The following TMC5 variants were observed in gnomAD, a reference collection of about 807,000 sequenced individuals.
TMC5 encodes the protein transmembrane channel-like protein 5.
A neutral mutation model predicts 110.5 loss-of-function variants in TMC5; 86 were observed. The observed-to-expected ratio is 0.78, with a 90% CI of 0.65 to 0.93. TMC5 has a LOEUF of 0.93. Ranked by LOEUF, TMC5 falls within the 40% of genes least tolerant of loss-of-function variation. The probability of loss-of-function intolerance (pLI) is 0.00; values close to 1 mark genes in which losing one functional copy is unlikely to be tolerated. For missense variants in TMC5, 1,144 were observed against 1,222.8 expected (o/e 0.94, Z 0.96); for synonymous variants, 455 against 439.5 (o/e 1.04, Z -0.44).
Position 19,434,107 on chromosome 16 carries a change from T to TCTA in TMC5, c.-80+3467_-80+3468insCTA, listed in dbSNP as rs61592531. On this transcript the variant is annotated intron_variant, in intron 2 of 21. Coordinates refer to ENST00000542583, the MANE Select transcript of TMC5 (RefSeq NM_001261841.2). The stretch of plus-strand genomic sequence containing the variant: ...TATATATATATCTATAATATATATA[T>TCTA]TATATATATATCTATATATCTAAAA... Among the ~76,000 whole-genome samples, 189 of 113,458 alleles carry TCTA rather than the reference T, an allele frequency of 1.7e-3. 2 individuals carry two copies. The highest frequency in any genetic ancestry group is 6.3e-3 in the African/African-American group (181 of 28,706). The allele number at this position is 113,458 out of a possible 152,430, so 74.4% of individuals were successfully genotyped here.
chr16:19,479,616 C>A, intron 14 of TMC5, 88 bp downstream of exon 14: 1 of 915,092 alleles, frequency 1.1e-6, no homozygotes, highest in Non-Finnish European at 1.8e-6. Context: ...AGGTGCCTGA[C>A]ATACTCAAAG....
intron 4 of TMC5, 92 bp from the exon 5 acceptor site, chr16:19,449,450 C>T (rs1180416221): frequency 3.6e-5 from 39 of 1,076,060 alleles, no homozygotes; most frequent in East Asian, 2.4e-5. Context: ...TTAGCCGTTA[C>T]GAACCACTAT....
At chr16:19,418,745 C>T (rs1386627624) in intron 1 of TMC5, among the ~76,000 whole-genome samples, 50 of 83,668 alleles carry the variant, frequency 6.0e-4, no homozygotes, top group Admixed American at 7.6e-4. Flanking sequence ...TTTTTTTTTT[C>T]GAGACAATAT....
chr16:19,474,318 A>T (rs780532571), intron 12 of TMC5, 42 bp downstream of exon 12: 2 of 1,595,568 alleles, frequency 1.3e-6, no homozygotes, highest in Admixed American at 3.5e-5. Flanking sequence ...CTATTTCCAC[A>T]GAGAGAAGTG....
At position 19,431,557 on chromosome 16, in the gene TMC5, AAAG is replaced by A. The variant is rs1201164006; in HGVS notation, c.-80+931_-80+933del. ...CCTTCCATCTCAGAAAAAAAAAAAA[AAAG>A]AAGAAGAAGAAGACAAAATGTACGG... is the stretch of plus-strand genomic sequence containing the variant. On this transcript the variant is annotated intron_variant, in intron 2 of 21. Transcript: ENST00000542583. Among the ~76,000 whole-genome samples the A allele has an allele frequency of 2.8e-4, 42 of 151,602 alleles. 1 individual carries two copies. Among genetic ancestry groups the A allele is most frequent in the African/African-American group, 4.4e-4 (18 of 41,254 alleles).
At chr16:19,457,788 A>G (rs1244872345) in intron 5 of TMC5, among the ~76,000 whole-genome samples, 1 of 127,278 alleles carries the variant, frequency 7.9e-6, no homozygotes, top group African/African-American at 2.9e-5. Context: ...TAGAGGCACA[A>G]TCTTGGCTCA....
chr16:19,448,693 AAT>A (rs201962645), intron 4 of TMC5, among the ~76,000 whole-genome samples: 7 of 53,204 alleles, frequency 1.3e-4, no homozygotes, highest in African/African-American at 5.7e-4. Flanking sequence ...ATTTATAGAT[AAT>A]ATATATATTT....
chr16:19,426,398 A>G (rs762488658), intron 1 of TMC5, among the ~76,000 whole-genome samples: 5 of 152,134 alleles, frequency 3.3e-5, no homozygotes, highest in Non-Finnish European at 5.9e-5. Context: ...GGAGCATTAA[A>G]CTTTATCATT....
intron 4 of TMC5, among the ~76,000 whole-genome samples, chr16:19,447,918 G>T (rs545575313): frequency 1.3e-5 from 2 of 152,116 alleles, no homozygotes; most frequent in South Asian, 2.1e-4. Context: ...CACCCAGGGG[G>T]CGCACAACTA....
intron 1 of TMC5, chr16:19,411,582 G>T (rs1340950364): frequency 6.6e-6 from 1 of 152,220 alleles, no homozygotes; most frequent in Admixed American, 6.5e-5. Flanking sequence ...TCTCAGAAGG[G>T]TGAACTTGGG....
At chr16:19,420,734 A>T (rs1966965413) in intron 1 of TMC5, among the ~76,000 whole-genome samples, 1 of 152,212 alleles carries the variant, frequency 6.6e-6, no homozygotes, top group Non-Finnish European at 1.5e-5. Flanking sequence ...AAGCCCCAGG[A>T]TTACAGGATT....
At position 19,479,457 on chromosome 16, in the gene TMC5, C is replaced by CA; in HGVS notation, c.2197dup (p.Ile733AsnfsTer40). ...GTTGGGAAACCCTCATTGGCCAGGA[C>CA]ATCTACCGGCTCCTTCTGATGGATT... On this transcript the variant is annotated frameshift_variant, in exon 14 of 22. Transcript: ENST00000542583. LOFTEE classifies it high-confidence loss of function. 2.5e-6 allele frequency: 4 copies of CA among 1,614,066 alleles called. No individual in the cohort carries two copies. Among genetic ancestry groups the CA allele is most frequent in the Non-Finnish European group, 3.4e-6 (4 of 1,179,948 alleles).
chr16:19,456,378 T>G, intron 5 of TMC5: 1 of 860,298 alleles, frequency 1.2e-6, no homozygotes, highest in Non-Finnish European at 1.4e-6. Context: ...GAAAAATATC[T>G]TCCTTCTGTT....
In TMC5 at chr16:19,482,291, C is replaced by T. The variant is rs946040693; in HGVS notation, c.2363+826C>T. Among the ~76,000 whole-genome samples, 7 of 152,166 alleles carry T rather than the reference C, an allele frequency of 4.6e-5. No homozygotes were observed. In the South Asian group the frequency reaches 1.4e-3, roughly 32 times the overall value. Reference sequence around the variant, plus strand: ...CAGGCTGGTCTTGAACTCCTGACCTCAGGTGATCCGCCCACCTTGGTGGAT... The same window carrying T: ...CAGGCTGGTCTTGAACTCCTGACCTTAGGTGATCCGCCCACCTTGGTGGAT... On this transcript the variant is annotated intron_variant, in intron 15 of 21. Coordinates refer to ENST00000542583, the MANE Select transcript of TMC5 (RefSeq NM_001261841.2).
intron 2 of TMC5, among the ~76,000 whole-genome samples, chr16:19,439,439 C>T (rs891461784): frequency 5.9e-5 from 9 of 152,300 alleles, no homozygotes; most frequent in African/African-American, 1.9e-4. Context: ...GTCCCCTCCC[C>T]CATAACCAAG....
intron 2 of TMC5, among the ~76,000 whole-genome samples, chr16:19,433,222 G>A (rs1056389493): frequency 1.3e-5 from 2 of 152,212 alleles, no homozygotes; most frequent in African/African-American, 4.8e-5. Context: ...CTGTGGGTAG[G>A]TGCAGGTGGG....
intron 2 of TMC5, among the ~76,000 whole-genome samples, chr16:19,434,489 T>C (rs1476055663): frequency 1.3e-5 from 1 of 76,068 alleles, no homozygotes; most frequent in African/African-American, 5.8e-5. Context: ...GATAGATAGA[T>C]AGATATAGAG....
At chr16:19,461,794 G>A (rs1196327080) in intron 6 of TMC5, among the ~76,000 whole-genome samples, 1 of 152,074 alleles carries the variant, frequency 6.6e-6, no homozygotes, top group African/African-American at 2.4e-5. Flanking sequence ...ATTCATGGAT[G>A]TAGGATTTTC....
chr16:19,494,277 A>G lies in TMC5; in HGVS notation c.2842A>G (p.Met948Val). 3 of 1,612,478 alleles carry G rather than the reference A, an allele frequency of 1.9e-6. No individual in the cohort carries two copies. Among genetic ancestry groups the G allele is most frequent in the Non-Finnish European group, 2.5e-6 (3 of 1,179,278 alleles). ...EQIINEGKDKMFLIEKLIKLQ... is the reference protein window; with the variant it reads ...EQIINEGKDKVFLIEKLIKLQ... Reference sequence around the variant, plus strand: ...TTCTTGGTAGGAGGGCAAAGATAAAATGTTCCTGATAGAAAAATTGATCAA... The same window carrying G: ...TTCTTGGTAGGAGGGCAAAGATAAAGTGTTCCTGATAGAAAAATTGATCAA... The change falls in exon 20 of 22, where the codon ATG becomes GTG. Residue 948 changes from methionine (M) to valine (V), a missense_variant. Physicochemically the swap from Met to Val is conservative, Grantham distance 21 (BLOSUM62 1). Coordinates refer to ENST00000542583, the MANE Select transcript of TMC5 (RefSeq NM_001261841.2).
Sources: allele counts gnomAD v4.1 joint callset (sites outside exome capture counted in the v4.1 genomes callset), GRCh38; gene constraint gnomAD v4.1.1; transcripts MANE v1.5; gene names NCBI Gene and HGNC (gene_info 2026-07-23, HGNC 2026-07-21).